STK38: variants seen among roughly 807,000 people sequenced by gnomAD.
The protein encoded by STK38 is serine/threonine kinase 38.
Under a neutral mutation model 59.0 loss-of-function variants are expected in STK38, and 26 were observed. The ratio of observed to expected loss-of-function variants is 0.44; its 90% CI spans 0.32 to 0.61. The LOEUF is 0.61. Among genes scored for constraint, STK38 ranks in the 20% least tolerant of loss-of-function variants. STK38 has a pLI of 0.04. For missense variants in STK38, 433 were observed against 566.0 expected (o/e 0.76, Z 2.38); for synonymous variants, 175 against 176.6 (o/e 0.99, Z 0.07).
intron 9 of STK38, among the ~76,000 whole-genome samples, chr6:36,500,737 C>T (rs1445238559): frequency 8.1e-5 from 10 of 123,804 alleles, no homozygotes; most frequent in South Asian, 8.0e-4. Flanking sequence ...TCCAGCCTGG[C>T]GACAGAGTGA....
intron 11 of STK38, 29 bp from the exon 12 acceptor site, chr6:36,497,904 T>C (rs760282700): frequency 8.5e-6 from 11 of 1,296,810 alleles, no homozygotes; most frequent in South Asian, 1.3e-5. Flanking sequence ...TTTCAGCACA[T>C]CTCAAGCAGT....
chr6:36,514,804 C>T lies in STK38; in HGVS notation c.669+534G>A, dbSNP rs150403206. Among the ~76,000 whole-genome samples the T allele has an allele frequency of 2.6e-3, 384 of 146,900 alleles. 3 individuals carry two copies. The highest frequency in any genetic ancestry group is 9.2e-3 in the African/African-American group (364 of 39,374). On this transcript the variant is annotated intron_variant, in intron 7 of 13. Coordinates refer to ENST00000229812, the MANE Select transcript of STK38 (RefSeq NM_007271.4). ...CGGAGGTTGCAGTGAGCTAAGATCG[C>T]GCCACTGCACTCCAGCCTGGGCAAA...
chr6:36,544,379 G>C (rs1778011169), intron 1 of STK38, among the ~76,000 whole-genome samples: 1 of 151,836 alleles, frequency 6.6e-6, no homozygotes, highest in Admixed American at 6.6e-5. Context: ...GTGAAGCTTG[G>C]GTGTGGTTCC....
At chr6:36,509,619 T>TG (rs1361761562) in intron 7 of STK38, among the ~76,000 whole-genome samples, 28 of 57,176 alleles carry the variant, frequency 4.9e-4, no homozygotes, top group East Asian at 2.0e-3. Flanking sequence ...GAGGTGGGGG[T>TG]GGGGGGGTGA....
At chr6:36,529,200 T>C (rs1418340489) in intron 2 of STK38, among the ~76,000 whole-genome samples, 1 of 152,208 alleles carries the variant, frequency 6.6e-6, no homozygotes, top group Non-Finnish European at 1.5e-5. Flanking sequence ...AAAATGGCCA[T>C]ATTTTTGGAA....
chr6:36,545,567 T>C (rs1405386916), intron 1 of STK38, among the ~76,000 whole-genome samples: 1 of 152,140 alleles, frequency 6.6e-6, no homozygotes, highest in Non-Finnish European at 1.5e-5. Flanking sequence ...CTTCCTCTAT[T>C]GTAATATAAA....
intron 7 of STK38, among the ~76,000 whole-genome samples, chr6:36,508,135 TGTGTTTCCCA>T (rs1777013766): frequency 6.6e-6 from 1 of 151,972 alleles, no homozygotes; most frequent in African/African-American, 2.4e-5. Context: ...AAGGTTTCCC[TGTGTTTCCCA>T]GGCTGGTCTC....
At chr6:36,513,972 C>A (rs532815125) in intron 7 of STK38, among the ~76,000 whole-genome samples, 7 of 150,738 alleles carry the variant, frequency 4.6e-5, no homozygotes, top group East Asian at 2.0e-4. Flanking sequence ...TGGCTAACAC[C>A]GTGAAACCCC....
chr6:36,527,230 T>TATGTATATATATA (rs1561986951), intron 2 of STK38, among the ~76,000 whole-genome samples: 1 of 134,418 alleles, frequency 7.4e-6, no homozygotes, highest in African/African-American at 2.9e-5. Context: ...ATATATATAT[T>TATGTATATATATA]TATATGTATA....
intron 7 of STK38, among the ~76,000 whole-genome samples, chr6:36,511,397 C>A (rs144861142): frequency 0.027 from 4,123 of 151,620 alleles, 195 homozygotes; most frequent in African/African-American, 0.092. Context: ...CGCTCTGTTA[C>A]CCAGGCTGAA....
At chr6:36,530,176 G>A (rs1777631420) in intron 2 of STK38, among the ~76,000 whole-genome samples, 1 of 151,918 alleles carries the variant, frequency 6.6e-6, no homozygotes, top group Non-Finnish European at 1.5e-5. Flanking sequence ...GGGAGGCAGA[G>A]GTTGCAGTGA....
At chr6:36,510,425 C>A (rs369914073) in intron 7 of STK38, among the ~76,000 whole-genome samples, 2 of 152,344 alleles carry the variant, frequency 1.3e-5, no homozygotes, top group East Asian at 1.9e-4. Context: ...GCAGCAGGAG[C>A]AGGTACTTCC....
At position 36,498,542 on chromosome 6, in the gene STK38, G is replaced by A. The variant is rs923071695; in HGVS notation, c.953-56C>T. 3.2e-5 allele frequency: 50 copies of A among 1,554,148 alleles called. No individual in the cohort carries two copies. In the Admixed American group the frequency reaches 3.3e-4, roughly 10 times the overall value. On this transcript the variant is annotated intron_variant, in intron 10 of 13. Coordinates refer to ENST00000229812, the MANE Select transcript of STK38 (RefSeq NM_007271.4). Reference sequence around the variant, plus strand: ...ACACTCCAGAACTTTGAATCTGACCGAGATTACTCTCCTTAATAAAATTCT... The same window carrying A: ...ACACTCCAGAACTTTGAATCTGACCAAGATTACTCTCCTTAATAAAATTCT...
At chr6:36,529,849 T>C (rs1777624217) in intron 2 of STK38, among the ~76,000 whole-genome samples, 2 of 152,154 alleles carry the variant, frequency 1.3e-5, no homozygotes, top group South Asian at 4.1e-4. Flanking sequence ...ATAGCCTGAT[T>C]TGGAGGTAGC....
At chr6:36,504,414 G>A (rs1246037991) in intron 9 of STK38, among the ~76,000 whole-genome samples, 3 of 152,168 alleles carry the variant, frequency 2.0e-5, no homozygotes, top group African/African-American at 7.2e-5. Context: ...TTAACCTAGA[G>A]CAGTAAATTT....
intron 3 of STK38, 61 bp from the exon 4 acceptor site, chr6:36,524,524 C>G: frequency 6.7e-7 from 1 of 1,493,362 alleles, no homozygotes. Flanking sequence ...AACTCTGTAA[C>G]AAGTCATGTT....
At chr6:36,528,442 C>T (rs1409286588) in intron 2 of STK38, among the ~76,000 whole-genome samples, 2 of 152,136 alleles carry the variant, frequency 1.3e-5, no homozygotes, top group East Asian at 3.8e-4. Flanking sequence ...GCAAATATGA[C>T]CAACTGGCAA....
chr6:36,499,418 A>G (rs1301622671), intron 10 of STK38, among the ~76,000 whole-genome samples: 1 of 152,140 alleles, frequency 6.6e-6, no homozygotes, highest in Non-Finnish European at 1.5e-5. Context: ...GCTCACTGGC[A>G]TATGACCACC....
In STK38 at chr6:36,529,999, G is replaced by A. The variant is rs150261916; in HGVS notation, c.132-4357C>T. ...CTCACACCCGTAATCCCAGCACTTT[G>A]GGAGGCTGAGGCTCGCACACCGCCT... On this transcript the variant is annotated intron_variant, in intron 2 of 13. Coordinates refer to ENST00000229812, the MANE Select transcript of STK38 (RefSeq NM_007271.4). Among the ~76,000 whole-genome samples, 896 of 152,280 alleles carry A rather than the reference G, an allele frequency of 5.9e-3. 6 individuals are homozygous for A. Among genetic ancestry groups the A allele is most frequent in the African/African-American group, 0.02 (831 of 41,566 alleles).
Sources: allele counts gnomAD v4.1 joint callset (sites outside exome capture counted in the v4.1 genomes callset), GRCh38; gene constraint gnomAD v4.1.1; transcripts MANE v1.5; gene names NCBI Gene and HGNC (gene_info 2026-07-23, HGNC 2026-07-21).